TMEM87B: variants seen among roughly 807,000 people sequenced by gnomAD.
TMEM87B encodes transmembrane protein 87B.
TMEM87B carries 83 observed loss-of-function variants against 80.3 expected under a neutral mutation model. The observed-to-expected ratio is 1.03, with a 90% CI of 0.87 to 1.24. The LOEUF is 1.24. Among genes scored for constraint, TMEM87B ranks in the 50% most tolerant of loss-of-function variants. TMEM87B has a pLI of 0.00. For missense variants in TMEM87B, 625 were observed against 674.4 expected (o/e 0.93, Z 0.81); for synonymous variants, 219 against 230.5 (o/e 0.95, Z 0.45).
chr2:112,085,646 TC>T (rs954256524), intron 8 of TMEM87B, among the ~76,000 whole-genome samples: 1 of 152,148 alleles, frequency 6.6e-6, no homozygotes, highest in African/African-American at 2.4e-5. Context: ...GATGAGGAGA[TC>T]CTGGAGAAAA....
chr2:112,108,084 C>G (rs544384079), intron 17 of TMEM87B, among the ~76,000 whole-genome samples: 1 of 152,282 alleles, frequency 6.6e-6, no homozygotes. Context: ...TTTTTCTGAT[C>G]TGCCATTATC....
chr2:112,093,338 G>A (rs1379399708), intron 11 of TMEM87B, among the ~76,000 whole-genome samples: 1 of 152,234 alleles, frequency 6.6e-6, no homozygotes, highest in Non-Finnish European at 1.5e-5. Context: ...CGTCAAAGCA[G>A]TGATTCTTAA....
rs1224447759 is a variant in TMEM87B at position 112,066,935 on chromosome 2, G to T, written c.319-1G>T. ...ATAACATAGAATTTTACCTTATATA[G>T]GAGCTGTTCCAAAAACATAAACTTA... On this transcript the variant is annotated splice_acceptor_variant, in intron 3 of 18. Transcript: ENST00000283206. LOFTEE classifies it high-confidence loss of function. 2 of 1,593,938 alleles carry T rather than the reference G, an allele frequency of 1.3e-6. No individual in the cohort carries two copies. The highest frequency in any genetic ancestry group is 2.7e-5 in the African/African-American group (2 of 73,662).
chr2:112,077,675 T>C (rs1376313232), intron 6 of TMEM87B, among the ~76,000 whole-genome samples: 1 of 152,208 alleles, frequency 6.6e-6, no homozygotes, highest in African/African-American at 2.4e-5. Flanking sequence ...TTTTTATTAT[T>C]TGACAAATTT....
chr2:112,062,590 TTTTG>T (rs1174416899), intron 2 of TMEM87B, among the ~76,000 whole-genome samples: 23 of 152,308 alleles, frequency 1.5e-4, no homozygotes, highest in African/African-American at 5.5e-4. Flanking sequence ...CAAGCAGGCT[TTTTG>T]TTTGTTTGGT....
chr2:112,071,311 C>A (rs1461325100), intron 4 of TMEM87B, among the ~76,000 whole-genome samples: 1 of 142,524 alleles, frequency 7.0e-6, no homozygotes, highest in African/African-American at 2.7e-5. Context: ...CCCCCGCCCC[C>A]CCGCCGCCGC....
At chr2:112,096,966 G>C in intron 11 of TMEM87B, 78 bp from the exon 12 acceptor site, 1 of 992,842 alleles carries the variant, frequency 1.0e-6, no homozygotes, top group Non-Finnish European at 1.5e-6. Context: ...ACTGACTTTG[G>C]GAACATAGTA....
intron 6 of TMEM87B, among the ~76,000 whole-genome samples, 179 bp from the exon 7 acceptor site, chr2:112,080,878 G>T (rs1396739678): frequency 1.3e-5 from 2 of 152,170 alleles, no homozygotes; most frequent in African/African-American, 4.8e-5. Flanking sequence ...TACAGTAAAG[G>T]TATCTTGGTA....
At position 112,098,706 on chromosome 2, in the gene TMEM87B, AC is replaced by A; in HGVS notation, c.1376+9del. Reference sequence around the variant, plus strand: ...ATCAGCAAACAATCAGAGGTACCTAACATAGGAAATTTCAAGTCGTCAAGGA... The same window carrying A: ...ATCAGCAAACAATCAGAGGTACCTAAATAGGAAATTTCAAGTCGTCAAGGA... On this transcript the variant is annotated intron_variant, in intron 14 of 18. Coordinates refer to ENST00000283206, the MANE Select transcript of TMEM87B (RefSeq NM_032824.3). 6.2e-7 allele frequency: 1 copy of A among 1,612,884 alleles called. No homozygotes were observed. Among genetic ancestry groups the A allele is most frequent in the Non-Finnish European group, 8.5e-7 (1 of 1,178,978 alleles).
Position 112,100,684 on chromosome 2 carries a change from C to T in TMEM87B, c.1439C>T (p.Ser480Phe), listed in dbSNP as rs1415117062. 1 of 1,604,144 alleles carries T rather than the reference C, an allele frequency of 6.2e-7. No homozygotes were observed. Among genetic ancestry groups the T allele is most frequent in the Non-Finnish European group, 8.5e-7 (1 of 1,172,236 alleles). Residue 480 changes from serine to phenylalanine, a missense_variant, in exon 15 of 19, where the codon TCT (serine) becomes TTT (phenylalanine). Ser to Phe is a radical substitution (Grantham distance 155, BLOSUM62 -2). Transcript: ENST00000283206. Reference sequence around the variant, plus strand: ...GAAATTGAGGAATTCATGGTAACTTCTGAAAATTTAAGTGAGTAATATGTT... The same window carrying T: ...GAAATTGAGGAATTCATGGTAACTTTTGAAAATTTAAGTGAGTAATATGTT... ...DDEIEEFMVT[S>F]ENLTEGIKLR...
chr2:112,081,397 C>T lies in TMEM87B; in HGVS notation c.717C>T (p.Ala239=). 6.2e-7 allele frequency: 1 copy of T among 1,613,656 alleles called. No homozygotes were observed. Among genetic ancestry groups the T allele is most frequent in the Non-Finnish European group, 8.5e-7 (1 of 1,179,808 alleles). The stretch of plus-strand genomic sequence containing the variant: ...GCATACTCTGGCTGACGTGGTCTGC[C>T]TGTTATTGGAAAGATATATTAAGAA... The part of the protein sequence containing the change: ...LYGILWLTWS[A]CYWKDILRIQ... The change falls in exon 8 of 19, where the codon GCC becomes GCT. Residue 239 remains alanine (A), a synonymous_variant. Coordinates refer to ENST00000283206, the MANE Select transcript of TMEM87B (RefSeq NM_032824.3).
chr2:112,076,496 C>T (rs1400681003), intron 5 of TMEM87B, among the ~76,000 whole-genome samples: 2 of 151,926 alleles, frequency 1.3e-5, no homozygotes, highest in Non-Finnish European at 2.9e-5. Context: ...CCTACCACCA[C>T]ACCCGGCTAA....
At chr2:112,085,856 A>G in intron 8 of TMEM87B, 149 bp from the exon 9 acceptor site, 2 of 626,386 alleles carry the variant, frequency 3.2e-6, no homozygotes, top group Middle Eastern at 4.3e-4. Flanking sequence ...GTTTTCAAGC[A>G]TCAGTTGGAT....
intron 10 of TMEM87B, among the ~76,000 whole-genome samples, chr2:112,090,000 T>G (rs1679254737): frequency 6.6e-6 from 1 of 152,220 alleles, no homozygotes; most frequent in South Asian, 2.1e-4. Flanking sequence ...ATAGAGAACA[T>G]TTGTCTTTAT....
chr2:112,107,686 C>A, intron 16 of TMEM87B, 102 bp from the exon 17 acceptor site: 1 of 549,020 alleles, frequency 1.8e-6, no homozygotes, highest in South Asian at 5.6e-5. Flanking sequence ...AAAAGAATGT[C>A]AAATATTTAC....
intron 11 of TMEM87B, chr2:112,095,534 T>C (rs1679443583): frequency 1.2e-6 from 1 of 865,964 alleles, no homozygotes; most frequent in Non-Finnish European, 1.4e-6. Flanking sequence ...AGAAATTTGG[T>C]TTTAGTCAAG....
Position 112,112,496 on chromosome 2 carries a change from C to G in TMEM87B, c.1578-403C>G, listed in dbSNP as rs78040186. ...ACCCAGATCAAAAAACAGAATAACA[C>G]TAAGTGCTCTAAAAAGCCCATTTCC... On this transcript the variant is annotated intron_variant, in intron 17 of 18. Coordinates refer to ENST00000283206, the MANE Select transcript of TMEM87B (RefSeq NM_032824.3). Among the ~76,000 whole-genome samples the G allele has an allele frequency of 1.7e-3, 252 of 152,324 alleles. 1 individual carries two copies. Among genetic ancestry groups the G allele is most frequent in the East Asian group, 0.013 (70 of 5,190 alleles).
At chr2:112,080,796 A>C (rs7562015) in intron 6 of TMEM87B, among the ~76,000 whole-genome samples, 1,749 of 152,328 alleles carry the variant, frequency 0.011, 43 homozygotes, top group African/African-American at 0.037. Flanking sequence ...AATCCAAAAA[A>C]TCATTGCTCA....
At chr2:112,107,514 G>C (rs562238585) in intron 16 of TMEM87B, among the ~76,000 whole-genome samples, 1 of 151,944 alleles carries the variant, frequency 6.6e-6, no homozygotes, top group African/African-American at 2.4e-5. Context: ...AATGAACTTT[G>C]TGTTTTTACT....
Sources: gnomAD v4.1 joint callset for allele counts (sites outside exome capture counted in the v4.1 genomes callset) on GRCh38, gnomAD v4.1.1 for gene constraint, MANE v1.5 for transcripts, NCBI Gene and HGNC (gene_info 2026-07-23, HGNC 2026-07-21) for gene names.